Variants in WDR76 observed in about 807,000 individuals in gnomAD.
WDR76 encodes WD repeat-containing protein 76.
In WDR76, 52 loss-of-function variants were observed where a neutral mutation model predicts 70.2. The ratio of observed to expected loss-of-function variants is 0.74; its 90% CI spans 0.59 to 0.93. The LOEUF (loss-of-function observed/expected upper bound fraction) is 0.93, where lower values mean the gene tolerates loss of function less well. Ranked by LOEUF, WDR76 falls within the 40% of genes least tolerant of loss-of-function variation. The pLI is 0.00. For synonymous variants in WDR76, 292 were observed against 271.1 expected (o/e 1.08, Z -0.76); for missense variants, 756 against 760.2 (o/e 0.99, Z 0.07).
At chr15:43,853,181 G>A (rs569303032) in intron 9 of WDR76, among the ~76,000 whole-genome samples, 16 of 151,464 alleles carry the variant, frequency 1.1e-4, no homozygotes, top group South Asian at 2.1e-4. Flanking sequence ...GAGCCACCAC[G>A]CCTGGCCTTA....
At chr15:43,854,580 A>G (rs1427767981) in intron 9 of WDR76, among the ~76,000 whole-genome samples, 2 of 152,156 alleles carry the variant, frequency 1.3e-5, no homozygotes, top group East Asian at 3.9e-4. Flanking sequence ...AAAGTTACAT[A>G]TGGTACAATT....
chr15:43,859,843 A>G (rs952836522), intron 11 of WDR76, among the ~76,000 whole-genome samples: 7 of 152,236 alleles, frequency 4.6e-5, no homozygotes, highest in Non-Finnish European at 1.0e-4. Context: ...CCAGCAAACC[A>G]CACTAGAAAA....
At chr15:43,860,084 C>T (rs778887778) in intron 11 of WDR76, among the ~76,000 whole-genome samples, 1 of 152,042 alleles carries the variant, frequency 6.6e-6, no homozygotes, top group Non-Finnish European at 1.5e-5. Flanking sequence ...GACCCTGTCT[C>T]TACAGAAAAA....
chr15:43,866,081 T>C (rs1444738115), intron 12 of WDR76, 47 bp from the exon 13 acceptor site: 14 of 1,600,372 alleles, frequency 8.7e-6, no homozygotes, highest in African/African-American at 1.3e-5. Context: ...CAATGCTACC[T>C]TATTTAACCT....
intron 5 of WDR76, among the ~76,000 whole-genome samples, chr15:43,842,027 C>A (rs2087731529): frequency 1.3e-5 from 2 of 152,074 alleles, no homozygotes; most frequent in South Asian, 2.1e-4. Context: ...GCCACCACGC[C>A]CAGCAAATTT....
chr15:43,858,230 C>T (rs2087954220), intron 10 of WDR76, among the ~76,000 whole-genome samples: 2 of 148,940 alleles, frequency 1.3e-5, no homozygotes, highest in Admixed American at 1.3e-4. Context: ...CATGCCTGGC[C>T]TTAGAGAGTT....
chr15:43,844,416 G>A (rs773370154), intron 8 of WDR76, among the ~76,000 whole-genome samples: 4 of 151,864 alleles, frequency 2.6e-5, no homozygotes, highest in Admixed American at 1.3e-4. Flanking sequence ...TCAGGAGTTC[G>A]AGACCAGCCT....
In WDR76 at chr15:43,827,057, G is replaced by A; in HGVS notation, c.25G>A (p.Glu9Lys). Residue 9 changes from glutamate to lysine, a missense_variant, in exon 1 of 13, where the codon GAG becomes AAG. By Grantham distance (56) the Glu-to-Lys change is moderately conservative. Transcript: ENST00000263795. MSRSGAAA[E>K]KADSRQRPQM... ...GATGTCCAGGTCGGGCGCGGCGGCT[G>A]AGAAGGCGGACTCCAGACAGCGACC... The A allele has an allele frequency of 6.2e-7, 1 of 1,614,182 alleles. No homozygotes were observed. Among genetic ancestry groups the A allele is most frequent in the Non-Finnish European group, 8.5e-7 (1 of 1,180,038 alleles).
At chr15:43,864,134 G>A (rs1595456765) in intron 12 of WDR76, 2 of 152,182 alleles carry the variant, frequency 1.3e-5, no homozygotes, top group Admixed American at 1.3e-4. Flanking sequence ...AAGTGAAATA[G>A]TATTCCGTTA....
chr15:43,836,808 G>T (rs906052671), intron 4 of WDR76, among the ~76,000 whole-genome samples: 2 of 151,648 alleles, frequency 1.3e-5, no homozygotes, highest in South Asian at 4.2e-4. Context: ...GAGTCAGGGG[G>T]TCACCTGAGG....
rs184895774 is a variant in WDR76, at chr15:43,833,325, T to C, written c.463-1736T>C. Among the ~76,000 whole-genome samples, 308 of 149,182 alleles carry C rather than the reference T, an allele frequency of 2.1e-3. 2 individuals carry two copies. Among genetic ancestry groups the C allele is most frequent in the South Asian group, 2.8e-3 (13 of 4,714 alleles). ...ATTTTTCTTTCTTTTCTTTTCTTTTTTTTTTTTTTTTGAGATGGAGTCTGG... is the reference window on the plus strand; with the variant it reads ...ATTTTTCTTTCTTTTCTTTTCTTTTCTTTTTTTTTTTGAGATGGAGTCTGG... On this transcript the variant is annotated intron_variant, in intron 2 of 12. Coordinates refer to ENST00000263795, the MANE Select transcript of WDR76 (RefSeq NM_024908.4).
chr15:43,856,901 T>C, intron 9 of WDR76, 45 bp from the exon 10 acceptor site: 1 of 1,539,928 alleles, frequency 6.5e-7, no homozygotes, highest in Non-Finnish European at 8.8e-7. Context: ...TGGCTTTCTT[T>C]ACAAGAAGAG....
At chr15:43,829,812 G>C (rs1045004326) in intron 2 of WDR76, among the ~76,000 whole-genome samples, 1 of 151,708 alleles carries the variant, frequency 6.6e-6, no homozygotes, top group African/African-American at 2.4e-5. Context: ...GGCCTAGCAC[G>C]GGTACTTCTA....
intron 8 of WDR76, among the ~76,000 whole-genome samples, chr15:43,848,255 A>T (rs982753681): frequency 6.6e-6 from 1 of 152,126 alleles, no homozygotes; most frequent in Non-Finnish European, 1.5e-5. Context: ...AAGAAAAAAA[A>T]TTCACTTACT....
chr15:43,865,232 AT>A (rs1439585135), intron 12 of WDR76, among the ~76,000 whole-genome samples: 5 of 151,410 alleles, frequency 3.3e-5, no homozygotes, highest in African/African-American at 1.2e-4. Flanking sequence ...AGTAGCTGGG[AT>A]TACAGGCAAG....
chr15:43,839,778 A>T (rs200444385), intron 5 of WDR76, 50 bp downstream of exon 5: 1 of 1,526,074 alleles, frequency 6.6e-7, no homozygotes, highest in Admixed American at 2.2e-5. Flanking sequence ...ATACTGAAAA[A>T]TTTGAAGTGT....
At chr15:43,841,214 T>G (rs934710064) in intron 5 of WDR76, among the ~76,000 whole-genome samples, 9 of 148,296 alleles carry the variant, frequency 6.1e-5, no homozygotes, top group African/African-American at 2.2e-4. Context: ...TTTTTTTTTT[T>G]TTTTTTGAGA....
At chr15:43,863,180 C>T (rs995506752) in intron 12 of WDR76, among the ~76,000 whole-genome samples, 15 of 152,098 alleles carry the variant, frequency 9.9e-5, no homozygotes, top group African/African-American at 2.9e-4. Context: ...TCAAGTGATC[C>T]GCTTGCCTTG....
At chr15:43,848,190 G>A (rs1449626461) in intron 8 of WDR76, among the ~76,000 whole-genome samples, 1 of 152,156 alleles carries the variant, frequency 6.6e-6, no homozygotes, top group Non-Finnish European at 1.5e-5. Context: ...AGTGAGCCAT[G>A]ATTGTGTCAC....
Sources: allele counts gnomAD v4.1 joint callset (sites outside exome capture counted in the v4.1 genomes callset), GRCh38; gene constraint gnomAD v4.1.1; transcripts MANE v1.5; gene names NCBI Gene and HGNC (gene_info 2026-07-23, HGNC 2026-07-21).